The following CARMIL1 variants were observed in gnomAD, a reference collection of about 807,000 sequenced individuals.
The protein encoded by CARMIL1 is F-actin-uncapping protein LRRC16A.
CARMIL1 carries 90 observed loss-of-function variants against 177.1 expected under a neutral mutation model. That is an observed-to-expected ratio of 0.51 (90% CI 0.43 to 0.61). CARMIL1 has a LOEUF of 0.61. CARMIL1 is among the 20% of genes least tolerant of loss of function. CARMIL1 has a pLI of 0.00. For missense variants in CARMIL1, 1,380 were observed against 1,667.0 expected, an observed-to-expected ratio of 0.83 and a Z score of 3.00; for synonymous variants, 577 against 606.2, an observed-to-expected ratio of 0.95 and a Z score of 0.71.
intron 2 of CARMIL1, among the ~76,000 whole-genome samples, chr6:25,402,504 C>T (rs781335124): frequency 7.2e-5 from 11 of 152,162 alleles, no homozygotes; most frequent in Non-Finnish European, 1.3e-4. Context: ...CATGTGCTTT[C>T]TGATTTTGCC....
chr6:25,344,271 T>C (rs1050710911), intron 2 of CARMIL1, among the ~76,000 whole-genome samples: 5 of 152,142 alleles, frequency 3.3e-5, no homozygotes, highest in African/African-American at 1.2e-4. Context: ...TTTCAGTCCA[T>C]TGAATCCATC....
chr6:25,291,894 C>A (rs1782001931), intron 2 of CARMIL1, among the ~76,000 whole-genome samples: 1 of 152,106 alleles, frequency 6.6e-6, no homozygotes, highest in South Asian at 2.1e-4. Flanking sequence ...CTTGCAATCT[C>A]AGGATGCTTT....
At chr6:25,470,171 T>C (rs1015248929) in intron 9 of CARMIL1, among the ~76,000 whole-genome samples, 1 of 152,232 alleles carries the variant, frequency 6.6e-6, no homozygotes, top group African/African-American at 2.4e-5. Flanking sequence ...ATTATTAGGT[T>C]GTTTCCCACT....
At chr6:25,350,073 G>A (rs1787968548) in intron 2 of CARMIL1, among the ~76,000 whole-genome samples, 1 of 152,132 alleles carries the variant, frequency 6.6e-6, no homozygotes. Flanking sequence ...CGGGGGACCA[G>A]CACAGTGGCA....
intron 2 of CARMIL1, among the ~76,000 whole-genome samples, chr6:25,346,955 C>G (rs901380897): frequency 2.0e-5 from 3 of 152,156 alleles, no homozygotes; most frequent in Admixed American, 2.0e-4. Context: ...ACAGTTCTCT[C>G]TACATGCATT....
chr6:25,426,382 A>C, intron 3 of CARMIL1, 119 bp from the exon 4 acceptor site: 1 of 650,040 alleles, frequency 1.5e-6, no homozygotes, highest in Non-Finnish European at 2.5e-6. Flanking sequence ...CCAGTGTCTT[A>C]TTTGCTCTTG....
chr6:25,598,708 T>C (rs1815090528), intron 32 of CARMIL1, among the ~76,000 whole-genome samples: 1 of 152,180 alleles, frequency 6.6e-6, no homozygotes, highest in Admixed American at 6.5e-5. Flanking sequence ...TTCATGTTGG[T>C]GGATGCAATA....
intron 2 of CARMIL1, among the ~76,000 whole-genome samples, chr6:25,409,077 TC>T (rs1794666506): frequency 6.6e-6 from 1 of 152,218 alleles, no homozygotes; most frequent in Admixed American, 6.5e-5. Context: ...AGCCCATTCT[TC>T]CTTTATATCA....
intron 29 of CARMIL1, 61 bp downstream of exon 29, chr6:25,556,911 T>TG: frequency 1.3e-6 from 2 of 1,494,840 alleles, no homozygotes; most frequent in East Asian, 4.7e-5. Flanking sequence ...ATTGTTTTTT[T>TG]TTTTTTTTTT....
chr6:25,426,051 A>G (rs1459961917), intron 3 of CARMIL1, among the ~76,000 whole-genome samples: 2 of 152,158 alleles, frequency 1.3e-5, no homozygotes, highest in African/African-American at 4.8e-5. Context: ...TTTGAAGTGA[A>G]AAAGGGAAAA....
intron 16 of CARMIL1, 143 bp downstream of exon 16, chr6:25,495,358 A>C: frequency 1.8e-6 from 1 of 548,622 alleles, no homozygotes; most frequent in African/African-American, 2.0e-5. Flanking sequence ...CAGAAAAATA[A>C]ATTAAAATTT....
intron 29 of CARMIL1, among the ~76,000 whole-genome samples, chr6:25,567,605 A>G (rs1811669016): frequency 6.6e-6 from 1 of 152,220 alleles, no homozygotes; most frequent in Non-Finnish European, 1.5e-5. Context: ...GGTTTAACCA[A>G]ATATTCTCTG....
At chr6:25,368,347 A>G (rs1184849581) in intron 2 of CARMIL1, among the ~76,000 whole-genome samples, 2 of 152,230 alleles carry the variant, frequency 1.3e-5, no homozygotes, top group African/African-American at 4.8e-5. Context: ...TCCGTTTCTT[A>G]AAATGATTTC....
At chr6:25,443,160 C>T (rs1356993415) in intron 5 of CARMIL1, among the ~76,000 whole-genome samples, 1 of 152,150 alleles carries the variant, frequency 6.6e-6, no homozygotes, top group Non-Finnish European at 1.5e-5. Context: ...TTTCTGTGTC[C>T]AAGGTTTACC....
chr6:25,506,257 C>T (rs1318010942), intron 17 of CARMIL1, among the ~76,000 whole-genome samples: 1 of 152,154 alleles, frequency 6.6e-6, no homozygotes, highest in East Asian at 1.9e-4. Flanking sequence ...TTGAAAATGA[C>T]TGTATTTGCC....
intron 11 of CARMIL1, among the ~76,000 whole-genome samples, chr6:25,480,176 T>C (rs1237570111): frequency 1.3e-5 from 2 of 152,138 alleles, no homozygotes; most frequent in Non-Finnish European, 2.9e-5. Context: ...ATATCAGTTA[T>C]ATCTTTTTTC....
intron 29 of CARMIL1, among the ~76,000 whole-genome samples, chr6:25,557,553 C>A (rs1186440710): frequency 6.6e-6 from 1 of 152,158 alleles, no homozygotes; most frequent in Non-Finnish European, 1.5e-5. Context: ...GTGTCTATAT[C>A]ATCCTCTGTA....
At chr6:25,364,929 G>A (rs147503324) in intron 2 of CARMIL1, among the ~76,000 whole-genome samples, 2 of 152,238 alleles carry the variant, frequency 1.3e-5, no homozygotes, top group African/African-American at 2.4e-5. Context: ...AAGCGAGGAG[G>A]GGCCCAAGCA....
chr6:25,331,288 C>T (rs74666111), intron 2 of CARMIL1, among the ~76,000 whole-genome samples: 8,119 of 152,280 alleles, frequency 0.053, 427 homozygotes, highest in East Asian at 0.31. Flanking sequence ...GTGAAAAGCC[C>T]TGCACAGTAT....
Sources: allele counts gnomAD v4.1 joint callset (sites outside exome capture counted in the v4.1 genomes callset), GRCh38; gene constraint gnomAD v4.1.1; transcripts MANE v1.5; gene names NCBI Gene and HGNC (gene_info 2026-07-23, HGNC 2026-07-21).